CDC5L: variants seen among roughly 807,000 people sequenced by gnomAD.
CDC5L encodes cell division cycle 5 like.
Under a neutral mutation model 104.1 loss-of-function variants are expected in CDC5L, and 18 were observed. The observed-to-expected ratio is 0.17, with a 90% confidence interval of 0.12 to 0.26. The LOEUF is 0.26. CDC5L is among the 10% of genes least tolerant of loss of function. The probability of loss-of-function intolerance (pLI) is 1.00; values close to 1 mark genes in which losing one functional copy is unlikely to be tolerated. For missense variants in CDC5L, 673 were observed against 956.9 expected (o/e 0.70, Z 3.91); for synonymous variants, 331 against 322.7 (o/e 1.03, Z -0.28).
chr6:44,392,338 A>G (rs746821248), intron 2 of CDC5L, among the ~76,000 whole-genome samples: 5 of 152,360 alleles, frequency 3.3e-5, no homozygotes, highest in Non-Finnish European at 7.4e-5. Context: ...AAGAAACGTG[A>G]TTTTGTATTG....
chr6:44,406,200 C>A, intron 6 of CDC5L, 123 bp from the exon 7 acceptor site: 4 of 735,238 alleles, frequency 5.4e-6, no homozygotes, highest in South Asian at 2.0e-5. Flanking sequence ...TTGCACCTGG[C>A]CTTTTCAGTT....
chr6:44,395,619 G>A (rs1790835481), intron 4 of CDC5L, among the ~76,000 whole-genome samples: 1 of 152,148 alleles, frequency 6.6e-6, no homozygotes, highest in Non-Finnish European at 1.5e-5. Flanking sequence ...TGGCTAGGCT[G>A]GCTGCATCAT....
At chr6:44,444,508 C>T (rs1793356871) in intron 14 of CDC5L, among the ~76,000 whole-genome samples, 1 of 152,076 alleles carries the variant, frequency 6.6e-6, no homozygotes, top group Non-Finnish European at 1.5e-5. Flanking sequence ...ATGCCAAGTT[C>T]CTGCTCAGGC....
At chr6:44,393,723 G>C in intron 4 of CDC5L, 150 bp downstream of exon 4, 1 of 761,166 alleles carries the variant, frequency 1.3e-6, no homozygotes, top group East Asian at 3.2e-5. Flanking sequence ...GGAATGAAGT[G>C]GCACAATCAT....
chr6:44,421,070 C>G lies in CDC5L; in HGVS notation c.1241+1473C>G, dbSNP rs1305745293. Among the ~76,000 whole-genome samples, 4 of 152,290 alleles carry G rather than the reference C, an allele frequency of 2.6e-5. No individual in the cohort carries two copies. The East Asian group carries it at 5.8e-4, about 22-fold the overall frequency. On this transcript the variant is annotated intron_variant, in intron 9 of 15. Coordinates refer to ENST00000371477, the MANE Select transcript of CDC5L (RefSeq NM_001253.4). ...TGTTTTGGAGACCCGGTCTCTCACC[C>G]ATTTAAGTTGACAAATGGTAAAGTG...
At position 44,424,448 on chromosome 6, in the gene CDC5L, A is replaced by G. The variant is rs1303731716; in HGVS notation, c.1434A>G (p.Leu478=). 3 of 1,613,924 alleles carry G rather than the reference A, an allele frequency of 1.9e-6. No individual in the cohort carries two copies. Among genetic ancestry groups the G allele is most frequent in the Non-Finnish European group, 2.5e-6 (3 of 1,179,870 alleles). ...MERESREHLR[L]GLLGLPAPKN... ...GAGAATCCCGAGAACATCTCCGTTT[A>G]GGGTTGTTGGGCCTTCCTGCCCCTA... Residue 478 remains leucine, a synonymous_variant, in exon 11 of 16, where the codon TTA becomes TTG. Coordinates refer to ENST00000371477, the MANE Select transcript of CDC5L (RefSeq NM_001253.4).
chr6:44,389,113 G>T (rs964414279), intron 1 of CDC5L, among the ~76,000 whole-genome samples: 2 of 152,160 alleles, frequency 1.3e-5, no homozygotes, highest in Non-Finnish European at 2.9e-5. Flanking sequence ...CATGAAGTAG[G>T]TTGCTCGACA....
At chr6:44,403,340 A>C (rs993015631) in intron 5 of CDC5L, among the ~76,000 whole-genome samples, 2 of 152,010 alleles carry the variant, frequency 1.3e-5, no homozygotes, top group African/African-American at 2.4e-5. Context: ...TAAAAAAAAA[A>C]AAAAACTTTG....
chr6:44,387,916 G>A, intron 1 of CDC5L, 48 bp downstream of exon 1: 1 of 1,542,144 alleles, frequency 6.5e-7, no homozygotes, highest in Non-Finnish European at 8.8e-7. Context: ...CCCTCTAGCA[G>A]CTTGTGCGCA....
intron 2 of CDC5L, among the ~76,000 whole-genome samples, chr6:44,390,993 CAT>C (rs1401878005): frequency 9.5e-6 from 1 of 104,730 alleles, no homozygotes; most frequent in African/African-American, 3.6e-5. Flanking sequence ...ATATATTAAA[CAT>C]ATTTAATATG....
chr6:44,402,095 A>T (rs1791157131), intron 5 of CDC5L, among the ~76,000 whole-genome samples: 1 of 142,612 alleles, frequency 7.0e-6, no homozygotes, highest in African/African-American at 2.6e-5. Flanking sequence ...TGCTATTGTG[A>T]ATAGTGCCGC....
At chr6:44,430,327 C>T (rs1460251256) in intron 14 of CDC5L, among the ~76,000 whole-genome samples, 1 of 151,164 alleles carries the variant, frequency 6.6e-6, no homozygotes, top group African/African-American at 2.4e-5. Flanking sequence ...ATTTACAAAA[C>T]TTAAATACAA....
intron 8 of CDC5L, among the ~76,000 whole-genome samples, chr6:44,414,729 G>A (rs1437327673): frequency 2.0e-5 from 3 of 151,864 alleles, no homozygotes; most frequent in African/African-American, 4.8e-5. Context: ...CATTTTGTAG[G>A]TTGTGTTTTC....
chr6:44,448,299 A>G lies in CDC5L; in HGVS notation c.*1588A>G, dbSNP rs1372023242. 6.6e-6 allele frequency: 1 copy of G among 152,260 alleles called. No individual in the cohort carries two copies. Among genetic ancestry groups the G allele is most frequent in the African/African-American group, 2.4e-5 (1 of 41,476 alleles). 9.4% of individuals were successfully genotyped at this position (152,260 alleles called of 1,614,324 possible). ...GACCTCGTTGTATAGAGCCACATAA[A>G]TAAGGCTATAATAAGGAATTTGGAT... is the stretch of plus-strand genomic sequence containing the variant. On this transcript the variant is annotated 3_prime_UTR_variant, in exon 16 of 16. Coordinates refer to ENST00000371477, the MANE Select transcript of CDC5L (RefSeq NM_001253.4).
At chr6:44,424,849 A>T (rs1253876728) in intron 11 of CDC5L, among the ~76,000 whole-genome samples, 3 of 152,172 alleles carry the variant, frequency 2.0e-5, no homozygotes, top group African/African-American at 7.2e-5. Context: ...TAAAATACAC[A>T]TAGGTAGTCT....
chr6:44,410,372 T>A (rs1791573723), intron 8 of CDC5L, among the ~76,000 whole-genome samples: 1 of 152,252 alleles, frequency 6.6e-6, no homozygotes, highest in Non-Finnish European at 1.5e-5. Flanking sequence ...TTCATCCATG[T>A]TGTCACAAAT....
rs750846290 is a variant in CDC5L, at chr6:44,424,626, G to A, written c.1569+43G>A. ...AAGAAGCGTGAGTTTGGCTGAATGT[G>A]TCAGTAGGCTGGAAGAATGAAGAAT... On this transcript the variant is annotated intron_variant, in intron 11 of 15. Transcript: ENST00000371477. The A allele has an allele frequency of 5.7e-6, 9 of 1,591,778 alleles. No individual in the cohort carries two copies. In the African/African-American group the frequency reaches 8.1e-5, roughly 14 times the overall value.
Position 44,445,777 on chromosome 6 carries a change from A to T in CDC5L, c.2214A>T (p.Leu738Phe). 1 of 1,614,124 alleles carries T rather than the reference A, an allele frequency of 6.2e-7. No individual in the cohort carries two copies. Among genetic ancestry groups the T allele is most frequent in the Non-Finnish European group, 8.5e-7 (1 of 1,179,976 alleles). Reference sequence around the variant, plus strand: ...GGCTCATGAAACAGTTGAATGACTTATGGGACCAAATTGAACAGGCTCACT... The same window carrying T: ...GGCTCATGAAACAGTTGAATGACTTTTGGGACCAAATTGAACAGGCTCACT... ...AMGLMKQLND[L>F]WDQIEQAHLE... The change falls in exon 15 of 16, where the codon TTA becomes TTT. Residue 738 changes from leucine to phenylalanine, a missense_variant. Transcript: ENST00000371477.
At chr6:44,413,420 C>T (rs1791748403) in intron 8 of CDC5L, among the ~76,000 whole-genome samples, 2 of 152,188 alleles carry the variant, frequency 1.3e-5, no homozygotes, top group Admixed American at 6.5e-5. Flanking sequence ...TTGTTTCTAC[C>T]TTTTGACTGT....
Sources: allele counts gnomAD v4.1 joint callset (sites outside exome capture counted in the v4.1 genomes callset), GRCh38; gene constraint gnomAD v4.1.1; transcripts MANE v1.5; gene names NCBI Gene and HGNC (gene_info 2026-07-23, HGNC 2026-07-21).